KCNT1: variants seen among roughly 807,000 people sequenced by gnomAD.
The protein encoded by KCNT1 is potassium sodium-activated channel subfamily T member 1.
Under a neutral mutation model 147.8 loss-of-function variants are expected in KCNT1, and 78 were observed. That is an observed-to-expected ratio of 0.53 (90% CI 0.44 to 0.64). KCNT1 has a LOEUF of 0.64. Ranked by LOEUF, KCNT1 falls within the 30% of genes least tolerant of loss-of-function variation. KCNT1 has a pLI of 0.00. For missense variants in KCNT1, 1,419 were observed against 1,750.3 expected (o/e 0.81, Z 3.38); for synonymous variants, 867 against 748.8 (o/e 1.16, Z -2.58).
intron 2 of KCNT1, among the ~76,000 whole-genome samples, chr9:135,729,419 A>G (rs921422295): frequency 1.3e-5 from 2 of 152,232 alleles, no homozygotes; most frequent in African/African-American, 4.8e-5. Flanking sequence ...GATGGCGGGA[A>G]TGAGCCTGGG....
chr9:135,775,102 G>A (rs1047446120), intron 19 of KCNT1, among the ~76,000 whole-genome samples: 2 of 152,202 alleles, frequency 1.3e-5, no homozygotes, highest in African/African-American at 4.8e-5. Flanking sequence ...CTATGACACG[G>A]TGACCACAGG....
At chr9:135,715,385 A>G (rs1428018226) in intron 2 of KCNT1, among the ~76,000 whole-genome samples, 2 of 152,240 alleles carry the variant, frequency 1.3e-5, no homozygotes, top group Non-Finnish European at 2.9e-5. Flanking sequence ...GTAAACACCC[A>G]GCACTTTAGC....
At chr9:135,791,766 GGTGA>G (rs1291820490) in intron 29 of KCNT1, 27 bp from the exon 30 acceptor site, 2 of 1,597,766 alleles carry the variant, frequency 1.3e-6, no homozygotes, top group African/African-American at 2.7e-5. Flanking sequence ...GGGCTGGGGG[GGTGA>G]CGTCTGCCCG....
chr9:135,709,931 T>C (rs1186221496), intron 1 of KCNT1, among the ~76,000 whole-genome samples: 1 of 152,234 alleles, frequency 6.6e-6, no homozygotes. Flanking sequence ...TCCACCCACC[T>C]TGGCCTCCCA....
chr9:135,778,608 G>A, intron 22 of KCNT1, 80 bp from the exon 23 acceptor site: 2 of 1,604,614 alleles, frequency 1.2e-6, no homozygotes, highest in Middle Eastern at 1.7e-4. Context: ...AGGTCCTCCT[G>A]CCTTCTGACC....
chr9:135,750,539 C>G (rs1436943490), intron 3 of KCNT1: 4 of 449,150 alleles, frequency 8.9e-6, no homozygotes, highest in African/African-American at 2.0e-5. Flanking sequence ...CAGCCCCACC[C>G]TCCCCAACAG....
intron 2 of KCNT1, among the ~76,000 whole-genome samples, chr9:135,719,123 C>T (rs1160638633): frequency 1.3e-5 from 2 of 152,206 alleles, no homozygotes; most frequent in Non-Finnish European, 2.9e-5. Flanking sequence ...TGCCCCTCTG[C>T]CTGGGAGTCC....
intron 11 of KCNT1, among the ~76,000 whole-genome samples, chr9:135,760,557 C>T (rs891983012): frequency 1.3e-5 from 2 of 152,122 alleles, no homozygotes; most frequent in Non-Finnish European, 2.9e-5. Context: ...AGACAGACCC[C>T]CAGGTGGCTG....
Position 135,702,453 on chromosome 9 carries a change from C to G in KCNT1, c.110+85C>G, listed in dbSNP as rs1835072496. The G allele has an allele frequency of 4.7e-6, 5 of 1,061,896 alleles. No homozygotes were observed. The South Asian group carries it at 5.4e-5, about 11-fold the overall frequency. The allele number at this position is 1,061,896 out of a possible 1,614,324, so 65.8% of individuals were successfully genotyped here. A position where few individuals can be genotyped will look rare whatever the true frequency, so the allele number is the denominator to read the frequency against. On this transcript the variant is annotated intron_variant, in intron 1 of 30. Coordinates refer to ENST00000371757, the MANE Select transcript of KCNT1 (RefSeq NM_020822.3). ...GTTCCCCCTCAGGCTCCCGCACCCT[C>G]CAGGACCCGCCATTCCCAGGGCCAT...
intron 1 of KCNT1, among the ~76,000 whole-genome samples, chr9:135,703,640 G>T (rs1325293988): frequency 1.3e-5 from 2 of 152,196 alleles, no homozygotes; most frequent in Non-Finnish European, 2.9e-5. Context: ...TGACCCCAAG[G>T]GGGTCCTGGA....
rs1836380930 is a variant in KCNT1, at chr9:135,730,339, C to T, written c.254+15619C>T. 6.6e-6 allele frequency among the ~76,000 whole-genome samples: 1 copy of T among 152,140 alleles called. No individual in the cohort carries two copies. The highest frequency in any genetic ancestry group is 2.4e-5 in the African/African-American group (1 of 41,412). The stretch of plus-strand genomic sequence containing the variant: ...ATGTCCATGTCCTGATCCCAGAAAC[C>T]CATGACTATGTAACCATGCGTGGCG... On this transcript the variant is annotated intron_variant, in intron 2 of 30. Transcript: ENST00000371757. This position sits in a 1 kb window ranked among gnomAD's most constrained non-coding sequence, Gnocchi z 4.7.
Position 135,784,038 on chromosome 9 carries a change from T to C in KCNT1, c.2856T>C (p.Asn952=), listed in dbSNP as rs147671362. 20 of 1,606,478 alleles carry C rather than the reference T, an allele frequency of 1.2e-5. No individual in the cohort carries two copies. In the African/African-American group the frequency reaches 1.9e-4, roughly 15 times the overall value. ...CTTTCCCACAGAGGGAGCGAGAGAATGGCTCCAACCTGGCCTTCATGTTCC... is the reference window on the plus strand; with the variant it reads ...CTTTCCCACAGAGGGAGCGAGAGAACGGCTCCAACCTGGCCTTCATGTTCC... ...LSKLEKRERE[N]GSNLAFMFRL... Residue 952 remains asparagine (N), a synonymous_variant, in exon 25 of 31, where the codon AAT becomes AAC. Transcript: ENST00000371757.
At chr9:135,731,960 G>GGATATATATA (rs1554766096) in intron 2 of KCNT1, among the ~76,000 whole-genome samples, 4 of 41,424 alleles carry the variant, frequency 9.7e-5, no homozygotes, top group African/African-American at 3.6e-4. Flanking sequence ...AAATATGCGT[G>GGATATATATA]TATATATATA....
chr9:135,740,837 A>G (rs1057311990), intron 2 of KCNT1, among the ~76,000 whole-genome samples: 4 of 152,122 alleles, frequency 2.6e-5, no homozygotes, highest in African/African-American at 9.7e-5. Context: ...GGCGAGCATC[A>G]GGGTCCTCCT....
intron 6 of KCNT1, among the ~76,000 whole-genome samples, chr9:135,756,128 CTCAG>C (rs1268339309): frequency 6.6e-6 from 1 of 150,702 alleles, no homozygotes; most frequent in Non-Finnish European, 1.5e-5. Context: ...GACAGACAGG[CTCAG>C]TAAGTAGGGA....
intron 2 of KCNT1, among the ~76,000 whole-genome samples, chr9:135,743,138 G>C (rs1830649043): frequency 6.6e-6 from 1 of 152,052 alleles, no homozygotes; most frequent in African/African-American, 2.4e-5. Flanking sequence ...GCAGGCAGCT[G>C]CTGGGGCCTG....
At chr9:135,702,414 C>A in intron 1 of KCNT1, 46 bp downstream of exon 1, 1 of 1,357,200 alleles carries the variant, frequency 7.4e-7, no homozygotes, top group African/African-American at 2.0e-5. Flanking sequence ...CCCGGTCTAA[C>A]CTAAGACCCC....
At chr9:135,767,060 A>T (rs1832340241) in intron 13 of KCNT1, among the ~76,000 whole-genome samples, 1 of 152,130 alleles carries the variant, frequency 6.6e-6, no homozygotes, top group African/African-American at 2.4e-5. Flanking sequence ...CTCCCTGGAA[A>T]ACCCTCCTGG....
rs571068141 is a variant in KCNT1, at chr9:135,710,951, C to T, written c.111-3626C>T. On this transcript the variant is annotated intron_variant, in intron 1 of 30. Transcript: ENST00000371757. ...TGCGCCCCTGTGGGTTTGGGGCTCC[C>T]GCGCCTGCTGTGAGCAGGGCTTTCT... 1.8e-4 allele frequency among the ~76,000 whole-genome samples: 27 copies of T among 152,238 alleles called. No homozygotes were observed. In the East Asian group the frequency reaches 4.8e-3, roughly 27 times the overall value.
Sources: allele counts gnomAD v4.1 joint callset (sites outside exome capture counted in the v4.1 genomes callset), GRCh38; gene constraint gnomAD v4.1.1; non-coding constraint Gnocchi (gnomAD v3.1); transcripts MANE v1.5; gene names NCBI Gene and HGNC (gene_info 2026-07-23, HGNC 2026-07-21).